The following KLHDC1 variants were observed in gnomAD, a reference collection of about 807,000 sequenced individuals.
The protein encoded by KLHDC1 is kelch domain containing 1, also known as kelch domain-containing protein 1.
Under a neutral mutation model 68.3 loss-of-function variants are expected in KLHDC1, and 53 were observed. The observed-to-expected ratio is 0.78, with a 90% CI of 0.62 to 0.98. The LOEUF is 0.98. Ranked by LOEUF, KLHDC1 falls within the 50% of genes least tolerant of loss-of-function variation. KLHDC1 has a pLI of 0.00. For missense variants in KLHDC1, 470 were observed against 492.3 expected (o/e 0.95, Z 0.43); for synonymous variants, 148 against 159.0 (o/e 0.93, Z 0.52).
chr14:49,725,573 T>G (rs1888649493), intron 5 of KLHDC1, 113 bp from the exon 6 acceptor site: 1 of 663,100 alleles, frequency 1.5e-6, no homozygotes, highest in Non-Finnish European at 2.6e-6. Context: ...TGGTAACACT[T>G]AACTCTATTT....
At chr14:49,704,707 A>G (rs1423663012) in intron 1 of KLHDC1, among the ~76,000 whole-genome samples, 1 of 152,036 alleles carries the variant, frequency 6.6e-6, no homozygotes, top group Non-Finnish European at 1.5e-5. Context: ...TGTCAAACAT[A>G]TTCTAACCAT....
intron 10 of KLHDC1, among the ~76,000 whole-genome samples, chr14:49,737,988 G>C (rs1888971561): frequency 6.6e-6 from 1 of 151,764 alleles, no homozygotes; most frequent in African/African-American, 2.4e-5. Context: ...TCTTACTCTG[G>C]AAATATTCAA....
Position 49,717,973 on chromosome 14 carries a change from T to C in KLHDC1, c.405-5901T>C, listed in dbSNP as rs1234262761. ...TTCATGGCTTACTGCAGCTTTGAAC[T>C]CCTTGGACCCTCAAGCAGTCCTTCC... is the stretch of plus-strand genomic sequence containing the variant. On this transcript the variant is annotated intron_variant, in intron 4 of 12. Coordinates refer to ENST00000359332, the MANE Select transcript of KLHDC1 (RefSeq NM_172193.3). Among the ~76,000 whole-genome samples the C allele has an allele frequency of 3.3e-5, 5 of 152,102 alleles. No homozygotes were observed. The South Asian group carries it at 1.0e-3, about 32-fold the overall frequency.
chr14:49,731,050 C>T (rs1327091552), intron 8 of KLHDC1, among the ~76,000 whole-genome samples: 2 of 152,120 alleles, frequency 1.3e-5, no homozygotes, highest in Non-Finnish European at 2.9e-5. Context: ...GAGGCTGAGG[C>T]TGGTGGATCA....
At position 49,743,733 on chromosome 14, in the gene KLHDC1, G is replaced by A; in HGVS notation, c.982-20G>A. On this transcript the variant is annotated intron_variant, in intron 11 of 12. Transcript: ENST00000359332. ...TTATTTTTATCAAAAACTTAATAAT[G>A]CCTTTTTTGTGTTGATTAGGGTCAC... The A allele has an allele frequency of 1.3e-6, 2 of 1,505,210 alleles. No homozygotes were observed. The highest frequency in any genetic ancestry group is 1.8e-6 in the Non-Finnish European group (2 of 1,094,012). 93.2% of individuals were successfully genotyped at this position (1,505,210 alleles called of 1,614,324 possible).
At chr14:49,737,548 G>C (rs764606078) in intron 10 of KLHDC1, among the ~76,000 whole-genome samples, 33 of 152,060 alleles carry the variant, frequency 2.2e-4, no homozygotes, top group Non-Finnish European at 4.1e-4. Context: ...GGTATCTGTT[G>C]CTTCAACAGT....
At chr14:49,703,645 A>G (rs141290153) in intron 1 of KLHDC1, among the ~76,000 whole-genome samples, 13 of 152,164 alleles carry the variant, frequency 8.5e-5, no homozygotes, top group African/African-American at 2.9e-4. Flanking sequence ...TCTTCCATGA[A>G]TTCTTTTAGT....
chr14:49,710,290 G>A lies in KLHDC1; in HGVS notation c.313G>A (p.Asp105Asn). Residue 105 changes from aspartate (D) to asparagine (N), a missense_variant, in exon 4 of 13, where the codon GAT becomes AAT. Physicochemically the swap from Asp to Asn is conservative, Grantham distance 23. Transcript: ENST00000359332. ...RLYFVNLRTR[D>N]ETYIWEKITD... is the part of the protein sequence containing the mutation. ...TTATTTTGTTAATTTACGAACAAGA[G>A]ATGAAACCTACATTTGGGAGAAAAT... 6.2e-7 allele frequency: 1 copy of A among 1,607,194 alleles called. No individual in the cohort carries two copies.
At chr14:49,749,384 T>C (rs951650782) in intron 12 of KLHDC1, among the ~76,000 whole-genome samples, 12 of 152,134 alleles carry the variant, frequency 7.9e-5, no homozygotes, top group Non-Finnish European at 1.3e-4. Flanking sequence ...ATACAGTTTA[T>C]TGGCTAGGTG....
intron 1 of KLHDC1, among the ~76,000 whole-genome samples, chr14:49,706,660 G>C (rs1888057919): frequency 6.6e-6 from 1 of 152,004 alleles, no homozygotes; most frequent in Non-Finnish European, 1.5e-5. Flanking sequence ...CCTTTCTTTT[G>C]GATAAAAGCC....
At chr14:49,751,507 G>C (rs1889319597) in intron 12 of KLHDC1, 79 bp from the exon 13 acceptor site, 1 of 690,006 alleles carries the variant, frequency 1.4e-6, no homozygotes, top group African/African-American at 1.9e-5. Flanking sequence ...TGTTAAAAAA[G>C]AAAGAATTCT....
In KLHDC1 at chr14:49,712,211, C is replaced by T. The variant is rs144912332; in HGVS notation, c.404+1830C>T. 5.7e-4 allele frequency among the ~76,000 whole-genome samples: 87 copies of T among 152,210 alleles called. No individual in the cohort carries two copies. In the East Asian group the frequency reaches 0.016, roughly 28 times the overall value. On this transcript the variant is annotated intron_variant, in intron 4 of 12. Transcript: ENST00000359332. ...GGGATTACAGGCATGAGCCACTGCA[C>T]CCAACCAATATGTCTTCCATATATA... is the stretch of plus-strand genomic sequence containing the variant.
intron 1 of KLHDC1, among the ~76,000 whole-genome samples, chr14:49,702,275 A>T (rs1887930012): frequency 6.6e-6 from 1 of 152,192 alleles, no homozygotes; most frequent in Non-Finnish European, 1.5e-5. Context: ...CCCAGGTAAA[A>T]ATTACAATGA....
chr14:49,734,978 TAA>T (rs1888898828), intron 10 of KLHDC1, among the ~76,000 whole-genome samples: 1 of 152,036 alleles, frequency 6.6e-6, no homozygotes, highest in African/African-American at 2.4e-5. Flanking sequence ...TTAATGTTAA[TAA>T]TTTTAATAAG....
chr14:49,743,495 T>C (rs1013954034), intron 11 of KLHDC1, among the ~76,000 whole-genome samples: 1 of 152,108 alleles, frequency 6.6e-6, no homozygotes, highest in South Asian at 2.1e-4. Flanking sequence ...TTTGCAATTA[T>C]GTAGGCTATT....
In KLHDC1 at chr14:49,752,673, C is replaced by G. The variant is rs1253831352; in HGVS notation, c.*901C>G. 6.6e-6 allele frequency: 1 copy of G among 151,974 alleles called. No homozygotes were observed. Among genetic ancestry groups the G allele is most frequent in the Non-Finnish European group, 1.5e-5 (1 of 67,934 alleles). The allele number at this position is 151,974 out of a possible 1,614,324, so 9.4% of individuals were successfully genotyped here. A position where few individuals can be genotyped will look rare whatever the true frequency, so the allele number is the denominator to read the frequency against. The stretch of plus-strand genomic sequence containing the variant: ...TACAGAGTTGTACTCAAGACAGATA[C>G]TGAAAAAATCTAATACCTTCCCTTG... On this transcript the variant is annotated 3_prime_UTR_variant, in exon 13 of 13. Coordinates refer to ENST00000359332, the MANE Select transcript of KLHDC1 (RefSeq NM_172193.3).
At chr14:49,728,086 T>C (rs1349359325) in intron 6 of KLHDC1, among the ~76,000 whole-genome samples, 2 of 151,984 alleles carry the variant, frequency 1.3e-5, no homozygotes, top group Non-Finnish European at 2.9e-5. Context: ...CTTTGGGAGG[T>C]TGAGGCAGGC....
intron 4 of KLHDC1, among the ~76,000 whole-genome samples, chr14:49,713,357 A>G (rs920849846): frequency 1.3e-5 from 2 of 152,160 alleles, no homozygotes; most frequent in Admixed American, 1.3e-4. Flanking sequence ...TTGTACAAGA[A>G]GATGCAAAGT....
intron 1 of KLHDC1, among the ~76,000 whole-genome samples, chr14:49,702,035 G>T (rs1215066181): frequency 1.3e-5 from 2 of 152,020 alleles, no homozygotes; most frequent in Non-Finnish European, 2.9e-5. Flanking sequence ...GGGCATGGTG[G>T]CACATGCCTG....
Sources: gnomAD v4.1 joint callset for allele counts (sites outside exome capture counted in the v4.1 genomes callset) on GRCh38, gnomAD v4.1.1 for gene constraint, MANE v1.5 for transcripts, NCBI Gene and HGNC (gene_info 2026-07-23, HGNC 2026-07-21) for gene names.